The following DSTYK variants were observed in gnomAD, a reference collection of about 807,000 sequenced individuals.
The protein encoded by DSTYK is RIP-homologous kinase.
In DSTYK, 34 loss-of-function variants were observed where a neutral mutation model predicts 98.7. The ratio of observed to expected loss-of-function variants is 0.34; its 90% CI spans 0.26 to 0.46. The LOEUF (loss-of-function observed/expected upper bound fraction) is 0.46. Ranked by LOEUF, DSTYK falls within the 20% of genes least tolerant of loss-of-function variation. The pLI, the probability that DSTYK is intolerant of heterozygous loss-of-function variation, is 1.00. For synonymous variants in DSTYK, 462 were observed against 457.3 expected, an observed-to-expected ratio of 1.01 and a Z score of -0.13; for missense variants, 962 against 1,181.7, an observed-to-expected ratio of 0.81 and a Z score of 2.73.
At chr1:205,189,427 G>A (rs544320024) in intron 1 of DSTYK, among the ~76,000 whole-genome samples, 4 of 152,312 alleles carry the variant, frequency 2.6e-5, no homozygotes, top group East Asian at 1.9e-4. Context: ...TTCTTAGGCT[G>A]CAAAAGGGCC....
rs963724480 is a variant in DSTYK at position 205,162,335 on chromosome 1, T to C, written c.1642-123A>G. 2.6e-6 allele frequency: 3 copies of C among 1,174,464 alleles called. No homozygotes were observed. In the Admixed American group the frequency reaches 8.5e-5, roughly 33 times the overall value. 72.8% of individuals were successfully genotyped at this position (1,174,464 alleles called of 1,614,324 possible). On this transcript the variant is annotated intron_variant, in intron 5 of 12. Coordinates refer to ENST00000367162, the MANE Select transcript of DSTYK (RefSeq NM_015375.3). ...GAGCAGGCTCATAAGATGGGAGCCA[T>C]ACGAAGTCCAAAGTTCCTTTCCAAT...
intron 10 of DSTYK, among the ~76,000 whole-genome samples, chr1:205,154,677 T>A (rs953055972): frequency 6.6e-6 from 1 of 152,182 alleles, no homozygotes; most frequent in Non-Finnish European, 1.5e-5. Flanking sequence ...ACTTTGGAAC[T>A]GAGTAACAGA....
rs200576489 is a variant in DSTYK at position 205,160,104 on chromosome 1, C to T, written c.2105+10G>A. On this transcript the variant is annotated intron_variant, in intron 8 of 12. Transcript: ENST00000367162. ...TCTTTCTCATAGAGATGAATGAGGC[C>T]AGGACCCACCTCATATAGTGAAATT... 3.2e-4 allele frequency: 522 copies of T among 1,613,926 alleles called. 1 individual carries two copies. In the African/African-American group the frequency reaches 3.9e-3, roughly 12 times the overall value.
chr1:205,186,866 G>A (rs1283177986), intron 2 of DSTYK, among the ~76,000 whole-genome samples: 1 of 152,198 alleles, frequency 6.6e-6, no homozygotes. Context: ...CTTACATTGA[G>A]CCAGACCTGT....
chr1:205,203,611 T>C (rs1384960192), intron 1 of DSTYK, among the ~76,000 whole-genome samples: 1 of 142,236 alleles, frequency 7.0e-6, no homozygotes, highest in Non-Finnish European at 1.5e-5. Flanking sequence ...AATTTCCCAA[T>C]GTTTTTTAAT....
intron 3 of DSTYK, 54 bp from the exon 4 acceptor site, chr1:205,164,009 A>C (rs933925875): frequency 6.8e-7 from 1 of 1,478,318 alleles, no homozygotes; most frequent in Non-Finnish European, 9.4e-7. Flanking sequence ...GGGCAGACAC[A>C]CTAAATAAAG....
intron 7 of DSTYK, 99 bp downstream of exon 7, chr1:205,161,159 A>C: frequency 1.4e-6 from 2 of 1,468,914 alleles, no homozygotes; most frequent in South Asian, 2.7e-5. Context: ...AGCTTTGCAA[A>C]GAAGCAGCTT....
intron 3 of DSTYK, among the ~76,000 whole-genome samples, chr1:205,167,089 T>C (rs1657910723): frequency 2.0e-5 from 3 of 152,168 alleles, no homozygotes; most frequent in African/African-American, 7.2e-5. Context: ...ACTGCAATTG[T>C]TATTAGCTAA....
At position 205,169,159 on chromosome 1, in the gene DSTYK, C is replaced by G. The variant is rs1279655761; in HGVS notation, c.1324+4G>C. The G allele has an allele frequency of 6.3e-7, 1 of 1,582,786 alleles. No individual in the cohort carries two copies. Among genetic ancestry groups the G allele is most frequent in the African/African-American group, 1.3e-5 (1 of 74,336 alleles). ...AGCACCCCAACAAGCTCTCTGGGAC[C>G]TACCTTTAAACTCCATGTTAGTAGC... On this transcript the variant is annotated splice_donor_region_variant and intron_variant, in intron 3 of 12. Coordinates refer to ENST00000367162, the MANE Select transcript of DSTYK (RefSeq NM_015375.3). This position sits in a 1 kb window ranked among gnomAD's most constrained non-coding sequence, Gnocchi z 4.0.
chr1:205,174,889 C>T (rs1057368004), intron 2 of DSTYK, among the ~76,000 whole-genome samples: 25 of 150,398 alleles, frequency 1.7e-4, no homozygotes, highest in African/African-American at 6.1e-4. Flanking sequence ...AGGCATGCGC[C>T]ACCACGCCGG....
chr1:205,152,911 T>C (rs1461589863), intron 10 of DSTYK, among the ~76,000 whole-genome samples: 1 of 152,178 alleles, frequency 6.6e-6, no homozygotes, highest in East Asian at 1.9e-4. Flanking sequence ...TCCCCAGTGC[T>C]TAGCACAGTG....
chr1:205,168,092 C>T (rs571090442), intron 3 of DSTYK, among the ~76,000 whole-genome samples: 67 of 152,140 alleles, frequency 4.4e-4, no homozygotes, highest in East Asian at 3.5e-3. Flanking sequence ...GGCGACAGAG[C>T]GAGACTTAAT....
chr1:205,211,546 C>G lies in DSTYK; in HGVS notation c.-11G>C, dbSNP rs1425684665. The G allele has an allele frequency of 5.3e-6, 8 of 1,501,678 alleles. No individual in the cohort carries two copies. The highest frequency in any genetic ancestry group is 6.2e-6 in the Non-Finnish European group (7 of 1,133,220). 93.0% of individuals were successfully genotyped at this position (1,501,678 alleles called of 1,614,324 possible). A position where few individuals can be genotyped will look rare whatever the true frequency, so the allele number is the denominator to read the frequency against. On this transcript the variant is annotated 5_prime_UTR_variant, in exon 1 of 13. Transcript: ENST00000367162. ...CCCGTCGCCCTCCATCGCCTCTGCC[C>G]GCTCTGTCTTTGCGGCTCGGTCCCC...
At chr1:205,196,407 A>G (rs895879510) in intron 1 of DSTYK, among the ~76,000 whole-genome samples, 8 of 152,082 alleles carry the variant, frequency 5.3e-5, no homozygotes, top group African/African-American at 1.9e-4. Context: ...AAATTTAAAA[A>G]TTAGCTAGGC....
chr1:205,183,902 T>C (rs1348267888), intron 2 of DSTYK, among the ~76,000 whole-genome samples: 1 of 152,190 alleles, frequency 6.6e-6, no homozygotes. Context: ...TACAGGGATC[T>C]GGTATGAGGC....
Position 205,169,658 on chromosome 1 carries a change from A to G in DSTYK, c.829T>C (p.Phe277Leu), listed in dbSNP as rs1657995620. 6.2e-7 allele frequency: 1 copy of G among 1,614,254 alleles called. No homozygotes were observed. Among genetic ancestry groups the G allele is most frequent in the Non-Finnish European group, 8.5e-7 (1 of 1,180,040 alleles). Residue 277 changes from phenylalanine to leucine, a missense_variant, in exon 3 of 13, where the codon TTC becomes CTC. By Grantham distance (22) the Phe-to-Leu change is conservative. Transcript: ENST00000367162. This position sits in a 1 kb window ranked among gnomAD's most constrained non-coding sequence, Gnocchi z 4.0. ...EIRKYFSFPV[F>L]FFKVPKLGSE... ...CCCAGTTTCGGCACTTTGAAAAAGA[A>G]TACAGGAAAGGAGAAATACTTTCGG...
At chr1:205,194,283 T>C (rs1658797444) in intron 1 of DSTYK, among the ~76,000 whole-genome samples, 1 of 152,198 alleles carries the variant, frequency 6.6e-6, no homozygotes, top group Non-Finnish European at 1.5e-5. Context: ...AGGAAATCTA[T>C]CACACCTTTC....
At chr1:205,188,987 G>T (rs1212272931) in intron 1 of DSTYK, among the ~76,000 whole-genome samples, 4 of 152,062 alleles carry the variant, frequency 2.6e-5, no homozygotes, top group Admixed American at 2.0e-4. Context: ...CTCCTTGATG[G>T]ACATCCCAAT....
rs368372837 is a variant in DSTYK at position 205,163,911 on chromosome 1, T to G, written c.1369A>C (p.Ile457Leu). Residue 457 changes from isoleucine to leucine, a missense_variant, in exon 4 of 13, where the codon ATC (isoleucine) becomes CTC (leucine). By Grantham distance (5) the Ile-to-Leu change is conservative (BLOSUM62 2). Transcript: ENST00000367162. ...TGGATCTGTCGGATGCAGCATTTGA[T>G]CTCTCTGGTGCCTACTGGTTCTCCA... Reference protein sequence around the residue: ...ENGEPVGTREIKCCIRQIQEL... With the variant: ...ENGEPVGTRELKCCIRQIQEL... 1 of 1,614,142 alleles carries G rather than the reference T, an allele frequency of 6.2e-7. No individual in the cohort carries two copies. Among genetic ancestry groups the G allele is most frequent in the Non-Finnish European group, 8.5e-7 (1 of 1,180,016 alleles).
Sources: gnomAD v4.1 joint callset for allele counts (sites outside exome capture counted in the v4.1 genomes callset) on GRCh38, gnomAD v4.1.1 for gene constraint, Gnocchi (gnomAD v3.1) non-coding constraint, MANE v1.5 for transcripts, NCBI Gene and HGNC (gene_info 2026-07-23, HGNC 2026-07-21) for gene names.